Variants in DNAH7 observed in about 807,000 individuals in gnomAD.
DNAH7 encodes dynein axonemal heavy chain 7, also known as axonemal beta dynein heavy chain 7.
A neutral mutation model predicts 444.6 loss-of-function variants in DNAH7; 397 were observed. The observed-to-expected ratio is 0.89, with a 90% confidence interval of 0.82 to 0.97. DNAH7 has a LOEUF of 0.97. Ranked by LOEUF, DNAH7 falls within the 50% of genes least tolerant of loss-of-function variation. The probability of loss-of-function intolerance (pLI) is 0.00; values close to 1 mark genes in which losing one functional copy is unlikely to be tolerated. For synonymous variants in DNAH7, 1,636 were observed against 1,624.4 expected (o/e 1.01, Z -0.17); for missense variants, 4,902 against 4,800.8 (o/e 1.02, Z -0.62).
rs577087194 is a variant in DNAH7 at position 195,852,054 on chromosome 2, T to G, written c.8781+1289A>C. ...TGGGCAGATCATAAGGTCAGGAGAT[T>G]GAGACCATCCTGGCTAACATGGTGA... On this transcript the variant is annotated intron_variant, in intron 46 of 64. Coordinates refer to ENST00000312428, the MANE Select transcript of DNAH7 (RefSeq NM_018897.3). 2.1e-4 allele frequency among the ~76,000 whole-genome samples: 32 copies of G among 152,106 alleles called. 1 individual carries two copies. The highest frequency in any genetic ancestry group is 7.7e-4 in the East Asian group (4 of 5,164).
Position 195,824,342 on chromosome 2 carries a change from G to A in DNAH7, c.9204C>T (p.Asp3068=). 2 of 1,613,798 alleles carry A rather than the reference G, an allele frequency of 1.2e-6. No homozygotes were observed. The highest frequency in any genetic ancestry group is 8.5e-7 in the Non-Finnish European group (1 of 1,179,862). ...QGGSTCIRLG[D]STIEYAPDFR... ...AGTCAGGTGCATATTCAATTGTGGAGTCCCCAAGCCGGATACATGTACTCC... is the reference window on the plus strand; with the variant it reads ...AGTCAGGTGCATATTCAATTGTGGAATCCCCAAGCCGGATACATGTACTCC... Residue 3068 remains aspartate (D), a synonymous_variant, in exon 49 of 65, where the codon GAC becomes GAT. Coordinates refer to ENST00000312428, the MANE Select transcript of DNAH7 (RefSeq NM_018897.3).
rs168192 is a variant in DNAH7, at chr2:195,906,730, G to T, written c.4264C>A (p.Pro1422Thr). The T allele has an allele frequency of 2.8e-3, 4,563 of 1,613,162 alleles. 121 individuals carry two copies. The African/African-American group carries it at 0.052, about 18-fold the overall frequency. ...MFEGTELKLD[P>T]TCAVFITMNP... is the part of the protein sequence containing the mutation. ...ATTGTTATAAAGACAGCACATGTGG[G>T]GTCAAGTTTTAGTTCAGTTCCTTCA... The change falls in exon 27 of 65, where the codon CCC (proline) becomes ACC (threonine). Residue 1422 changes from proline to threonine, a missense_variant. Coordinates refer to ENST00000312428, the MANE Select transcript of DNAH7 (RefSeq NM_018897.3).
chr2:196,006,484 T>TA (rs886722887), intron 10 of DNAH7, among the ~76,000 whole-genome samples: 18 of 151,084 alleles, frequency 1.2e-4, no homozygotes, highest in African/African-American at 3.9e-4. Context: ...CACTACATGA[T>TA]AAAAAACCAT....
intron 19 of DNAH7, among the ~76,000 whole-genome samples, chr2:195,940,299 C>G (rs1689337778): frequency 6.6e-6 from 1 of 152,122 alleles, no homozygotes; most frequent in South Asian, 2.1e-4. Flanking sequence ...ACAAATGGTG[C>G]TGAGAAAACT....
intron 5 of DNAH7, among the ~76,000 whole-genome samples, chr2:196,029,918 G>A (rs1187507047): frequency 6.6e-6 from 1 of 151,994 alleles, no homozygotes; most frequent in African/African-American, 2.4e-5. Flanking sequence ...GGTGGCATGA[G>A]CATCCCTTTT....
chr2:195,860,015 T>C (rs1016378342), intron 42 of DNAH7, among the ~76,000 whole-genome samples: 4 of 152,292 alleles, frequency 2.6e-5, no homozygotes, highest in Admixed American at 6.5e-5. Context: ...GGAATTCTAG[T>C]TGAGGTAAAG....
At chr2:195,802,362 T>C (rs1293019722) in intron 54 of DNAH7, among the ~76,000 whole-genome samples, 1 of 152,140 alleles carries the variant, frequency 6.6e-6, no homozygotes. Flanking sequence ...AATATGGGTA[T>C]GGTGGCGTGT....
chr2:195,997,564 G>A (rs1314742147), intron 12 of DNAH7, among the ~76,000 whole-genome samples: 1 of 152,044 alleles, frequency 6.6e-6, no homozygotes, highest in Non-Finnish European at 1.5e-5. Context: ...TATGAGAAAT[G>A]ATATTTTGTA....
intron 46 of DNAH7, among the ~76,000 whole-genome samples, chr2:195,845,605 C>G (rs1698937857): frequency 6.6e-6 from 1 of 152,206 alleles, no homozygotes; most frequent in African/African-American, 2.4e-5. Context: ...CATTATCTGA[C>G]TTTGAACTAT....
chr2:195,866,654 C>T (rs1489363999), intron 40 of DNAH7, among the ~76,000 whole-genome samples: 1 of 152,228 alleles, frequency 6.6e-6, no homozygotes, highest in African/African-American at 2.4e-5. Context: ...ATCTGAGGTA[C>T]TTATTCAAAA....
intron 61 of DNAH7, 125 bp downstream of exon 61, chr2:195,771,535 A>C (rs907691587): frequency 1.4e-6 from 1 of 704,142 alleles, no homozygotes; most frequent in Non-Finnish European, 2.4e-6. Flanking sequence ...ATTATTTTCT[A>C]ATCTTATTTA....
intron 21 of DNAH7, among the ~76,000 whole-genome samples, chr2:195,933,299 C>T (rs964126081): frequency 7.3e-4 from 111 of 152,184 alleles, no homozygotes; most frequent in Non-Finnish European, 4.9e-4. Context: ...ACACTGTTGG[C>T]GGGACTGTAA....
chr2:196,000,865 C>CA lies in DNAH7; in HGVS notation c.1191dup (p.Glu398Ter). The CA allele has an allele frequency of 6.3e-7, 1 of 1,577,310 alleles. No individual in the cohort carries two copies. The highest frequency in any genetic ancestry group is 8.6e-7 in the Non-Finnish European group (1 of 1,166,286). On this transcript the variant is annotated frameshift_variant, in exon 12 of 65. Coordinates refer to ENST00000312428, the MANE Select transcript of DNAH7 (RefSeq NM_018897.3). LOFTEE classifies it high-confidence loss of function. ...AGCCTCATGATGAAACCTGGATGTTCAAAAGCTCTAACAGAATCCTGCAAA... is the reference window on the plus strand; with the variant it reads ...AGCCTCATGATGAAACCTGGATGTTCAAAAAGCTCTAACAGAATCCTGCAAA...
intron 46 of DNAH7, among the ~76,000 whole-genome samples, chr2:195,852,051 G>T (rs567693382): frequency 6.6e-6 from 1 of 152,144 alleles, no homozygotes; most frequent in Non-Finnish European, 1.5e-5. Context: ...AAGGTCAGGA[G>T]ATTGAGACCA....
chr2:196,039,811 A>C (rs1305182804), intron 5 of DNAH7, among the ~76,000 whole-genome samples: 1 of 151,904 alleles, frequency 6.6e-6, no homozygotes, highest in East Asian at 1.9e-4. Context: ...AAAGACAAAA[A>C]AAAGATTTCA....
At chr2:195,970,322 A>G (rs566682833) in intron 16 of DNAH7, among the ~76,000 whole-genome samples, 8 of 152,328 alleles carry the variant, frequency 5.3e-5, no homozygotes, top group Admixed American at 1.3e-4. Flanking sequence ...TCAACTCTGT[A>G]TTATCTATGT....
chr2:196,047,499 G>C lies in DNAH7; in HGVS notation c.251C>G (p.Ala84Gly). 1 of 1,544,686 alleles carries C rather than the reference G, an allele frequency of 6.5e-7. No individual in the cohort carries two copies. The highest frequency in any genetic ancestry group is 8.7e-7 in the Non-Finnish European group (1 of 1,144,272). Reference sequence around the variant, plus strand: ...TTTTCCAAAACGTTCCATGTATTCAGCTTAAATTAAAACAAAAAAAAAAGC... The same window carrying C: ...TTTTCCAAAACGTTCCATGTATTCACCTTAAATTAAAACAAAAAAAAAAGC... ...PFSVKNEQSH[A>G]EYMERFGKKG... Residue 84 changes from alanine to glycine, a missense_variant and splice_region_variant, in exon 5 of 65, where the codon GCT (alanine) becomes GGT (glycine). By Grantham distance (60) the Ala-to-Gly change is moderately conservative. Coordinates refer to ENST00000312428, the MANE Select transcript of DNAH7 (RefSeq NM_018897.3).
In DNAH7 at chr2:195,853,500, C is replaced by T. The variant is rs757477175; in HGVS notation, c.8624G>A (p.Arg2875Gln). 4.0e-5 allele frequency: 64 copies of T among 1,610,440 alleles called. No individual in the cohort carries two copies. Among genetic ancestry groups the T allele is most frequent in the East Asian group, 2.5e-4 (11 of 44,660 alleles). The change falls in exon 46 of 65, where the codon CGA becomes CAA. Residue 2875 changes from arginine to glutamine, a missense_variant. Arg to Gln is a conservative substitution (Grantham distance 43). Transcript: ENST00000312428. Reference sequence around the variant, plus strand: ...AAGGCCTCCAATCAACTGTTCAGCTCGTTCTAGTTTTTTGCTGCAAAGGTC... The same window carrying T: ...AAGGCCTCCAATCAACTGTTCAGCTTGTTCTAGTTTTTTGCTGCAAAGGTC... ...QVDLCSKKLE[R>Q]AEQLIGGLGG...
At chr2:195,780,319 CTTCT>C (rs1695312765) in intron 58 of DNAH7, among the ~76,000 whole-genome samples, 1 of 152,004 alleles carries the variant, frequency 6.6e-6, no homozygotes, top group South Asian at 2.1e-4. Context: ...AAATGGTTAT[CTTCT>C]TTTTCTTATT....
Sources: allele counts gnomAD v4.1 joint callset (sites outside exome capture counted in the v4.1 genomes callset), GRCh38; gene constraint gnomAD v4.1.1; transcripts MANE v1.5; gene names NCBI Gene and HGNC (gene_info 2026-07-23, HGNC 2026-07-21).